Variants in TRAT1 observed in about 807,000 individuals in gnomAD.
TRAT1 encodes the protein T cell receptor associated transmembrane adaptor 1.
In TRAT1, 20 loss-of-function variants were observed where a neutral mutation model predicts 20.0. The observed-to-expected ratio is 1.00, with a 90% CI of 0.70 to 1.45. The LOEUF (loss-of-function observed/expected upper bound fraction) is 1.45, where lower values mean the gene tolerates loss of function less well. Among genes scored for constraint, TRAT1 ranks in the 40% most tolerant of loss-of-function variants. TRAT1 has a pLI of 0.00. For synonymous variants in TRAT1, 77 were observed against 74.2 expected (o/e 1.04, Z -0.20); for missense variants, 237 against 224.1 (o/e 1.06, Z -0.37).
chr3:108,853,623 A>G lies in TRAT1; in HGVS notation c.307A>G (p.Thr103Ala). The G allele has an allele frequency of 2.5e-6, 4 of 1,611,408 alleles. No homozygotes were observed. Among genetic ancestry groups the G allele is most frequent in the Non-Finnish European group, 3.4e-6 (4 of 1,178,208 alleles). Residue 103 changes from threonine to alanine, a missense_variant, in exon 6 of 6, where the codon ACC becomes GCC. Physicochemically the swap from Thr to Ala is moderately conservative, Grantham distance 58 (BLOSUM62 0). Transcript: ENST00000295756. ...AATTAACATCCCTTTCTTTTAGGCA[A>G]CCAATGAAACACAGATGTGCTACGC... Reference protein sequence around the residue: ...MQEATPSAQATNETQMCYASL... With the variant: ...MQEATPSAQAANETQMCYASL...
intron 3 of TRAT1, among the ~76,000 whole-genome samples, chr3:108,842,549 A>G (rs1277466371): frequency 6.6e-6 from 1 of 152,124 alleles, no homozygotes; most frequent in Non-Finnish European, 1.5e-5. Context: ...GTTTGTTTCA[A>G]TGTACAAATA....
Position 108,836,067 on chromosome 3 carries a change from A to G in TRAT1, c.119-2867A>G, listed in dbSNP as rs186589273. ...CCCGAGTAGCTGGGACTACAGGCGC[A>G]TGCCACCATGCCCAGCTAATTTTTT... is the stretch of plus-strand genomic sequence containing the variant. On this transcript the variant is annotated intron_variant, in intron 2 of 5. Transcript: ENST00000295756. 2.0e-5 allele frequency among the ~76,000 whole-genome samples: 3 copies of G among 152,062 alleles called. No individual in the cohort carries two copies. In the South Asian group the frequency reaches 6.2e-4, roughly 32 times the overall value.
intron 2 of TRAT1, among the ~76,000 whole-genome samples, chr3:108,833,169 G>A (rs1380180416): frequency 6.6e-6 from 1 of 152,184 alleles, no homozygotes; most frequent in Non-Finnish European, 1.5e-5. Context: ...TGTAATCCCA[G>A]TGCTTTGGGA....
Position 108,854,039 on chromosome 3 carries a change from T to C in TRAT1, c.*162T>C, listed in dbSNP as rs1321985158. On this transcript the variant is annotated 3_prime_UTR_variant, in exon 6 of 6. Coordinates refer to ENST00000295756, the MANE Select transcript of TRAT1 (RefSeq NM_016388.4). ...CTTATTCACAGCTTACACTTATGCA[T>C]GCCAAATGTAAGGCCATGAAAATCA... 1 of 612,144 alleles carries C rather than the reference T, an allele frequency of 1.6e-6. No homozygotes were observed. The highest frequency in any genetic ancestry group is 2.9e-6 in the Non-Finnish European group (1 of 349,008). 37.9% of individuals were successfully genotyped at this position (612,144 alleles called of 1,614,324 possible).
At chr3:108,835,760 C>T (rs1268782713) in intron 2 of TRAT1, among the ~76,000 whole-genome samples, 1 of 152,110 alleles carries the variant, frequency 6.6e-6, no homozygotes, top group Non-Finnish European at 1.5e-5. Context: ...CTAAACATCA[C>T]ATTATTATAT....
At chr3:108,823,066 T>C in intron 1 of TRAT1, 132 bp downstream of exon 1, 1 of 750,832 alleles carries the variant, frequency 1.3e-6, no homozygotes, top group South Asian at 2.0e-5. Flanking sequence ...TTTAGTGTAA[T>C]TAAAATATAT....
chr3:108,838,065 T>G (rs971017399), intron 2 of TRAT1, among the ~76,000 whole-genome samples: 2 of 152,212 alleles, frequency 1.3e-5, no homozygotes, highest in African/African-American at 4.8e-5. Flanking sequence ...TTCTGTGGTT[T>G]TGTTGTCCTA....
rs920498779 is a variant in TRAT1 at position 108,833,756 on chromosome 3, G to A, written c.118+2976G>A. ...TGAGTTTCAGTTTCCTTATCTATAA[G>A]ATGTGGAAAATACCATCTAGACCCT... On this transcript the variant is annotated intron_variant, in intron 2 of 5. Transcript: ENST00000295756. 1.7e-4 allele frequency among the ~76,000 whole-genome samples: 26 copies of A among 151,126 alleles called. 1 individual carries two copies.
chr3:108,838,499 T>C (rs912358190), intron 2 of TRAT1, among the ~76,000 whole-genome samples: 7 of 152,128 alleles, frequency 4.6e-5, no homozygotes, highest in Non-Finnish European at 8.8e-5. Context: ...TAAAAACTTA[T>C]AAGAATGCAG....
In TRAT1 at chr3:108,852,062, CACAACAACAACA is replaced by C. The variant is rs200204521; in HGVS notation, c.304-1541_304-1530del. On this transcript the variant is annotated intron_variant, in intron 5 of 5. Transcript: ENST00000295756. ...AGGATTTTAAGACTAAGAAGCTAGA[CACAACAACAACA>C]ACAACAACAACAACAAAACCACACA... 1.8e-3 allele frequency among the ~76,000 whole-genome samples: 278 copies of C among 151,568 alleles called. 1 individual carries two copies. The highest frequency in any genetic ancestry group is 2.4e-3 in the Non-Finnish European group (161 of 67,792).
chr3:108,853,221 G>A (rs1946012910), intron 5 of TRAT1, among the ~76,000 whole-genome samples: 1 of 152,142 alleles, frequency 6.6e-6, no homozygotes, highest in African/African-American at 2.4e-5. Flanking sequence ...AGACCCTTGT[G>A]ATTTGGTAAA....
intron 3 of TRAT1, among the ~76,000 whole-genome samples, chr3:108,844,468 A>T (rs1021666884): frequency 0.024 from 3,590 of 151,720 alleles, 135 homozygotes; most frequent in African/African-American, 0.079. Flanking sequence ...GACTTTGATC[A>T]CAAACTACTT....
intron 4 of TRAT1, 91 bp downstream of exon 4, chr3:108,847,220 C>A: frequency 1.4e-6 from 1 of 725,416 alleles, no homozygotes. Context: ...AATCAAATCA[C>A]ACTTAGCTAT....
intron 2 of TRAT1, among the ~76,000 whole-genome samples, chr3:108,831,735 G>T (rs1945795656): frequency 6.6e-6 from 1 of 151,924 alleles, no homozygotes; most frequent in Admixed American, 6.6e-5. Flanking sequence ...AGAGATGGGA[G>T]TCTCACTATG....
intron 4 of TRAT1, 35 bp from the exon 5 acceptor site, chr3:108,849,131 T>A: frequency 6.4e-7 from 1 of 1,568,092 alleles, no homozygotes; most frequent in Non-Finnish European, 8.8e-7. Flanking sequence ...TTTTTAAATT[T>A]TCTATTGTGA....
At chr3:108,845,845 C>A (rs1464634347) in intron 3 of TRAT1, among the ~76,000 whole-genome samples, 2 of 152,094 alleles carry the variant, frequency 1.3e-5, no homozygotes, top group African/African-American at 2.4e-5. Flanking sequence ...ATTGTGAAAT[C>A]TGGTCACTAG....
chr3:108,849,442 A>C (rs1945976115), intron 5 of TRAT1, among the ~76,000 whole-genome samples, 188 bp downstream of exon 5: 1 of 152,204 alleles, frequency 6.6e-6, no homozygotes, highest in South Asian at 2.1e-4. Context: ...AAAATTGTAC[A>C]CAATCACAAA....
chr3:108,827,470 C>T (rs921249318), intron 1 of TRAT1, among the ~76,000 whole-genome samples: 3 of 150,410 alleles, frequency 2.0e-5, no homozygotes, highest in Non-Finnish European at 4.4e-5. Context: ...TCATTATCTA[C>T]TTAATATCTA....
At chr3:108,853,026 T>C (rs1237246141) in intron 5 of TRAT1, among the ~76,000 whole-genome samples, 1 of 152,140 alleles carries the variant, frequency 6.6e-6, no homozygotes. Context: ...CAAAATGAGC[T>C]CAAAAGGGAA....
Sources: allele counts gnomAD v4.1 joint callset (sites outside exome capture counted in the v4.1 genomes callset), GRCh38; gene constraint gnomAD v4.1.1; transcripts MANE v1.5; gene names NCBI Gene and HGNC (gene_info 2026-07-23, HGNC 2026-07-21).